Variants in PLA2G6 observed in about 807,000 individuals in gnomAD.
The protein encoded by PLA2G6 is phospholipase A2 group VI.
In PLA2G6, 62 loss-of-function variants were observed where a neutral mutation model predicts 83.8. The ratio of observed to expected loss-of-function variants is 0.74; its 90% CI spans 0.60 to 0.91. The LOEUF (loss-of-function observed/expected upper bound fraction) is 0.91, where lower values mean the gene tolerates loss of function less well. Ranked by LOEUF, PLA2G6 falls within the 40% of genes least tolerant of loss-of-function variation. PLA2G6 has a pLI of 0.00. For synonymous variants in PLA2G6, 417 were observed against 449.8 expected, an observed-to-expected ratio of 0.93 and a Z score of 0.92; for missense variants, 944 against 1,102.0, an observed-to-expected ratio of 0.86 and a Z score of 2.03.
intron 2 of PLA2G6, chr22:38,149,313 T>C (rs1358495793): frequency 6.6e-6 from 1 of 152,222 alleles, no homozygotes; most frequent in African/African-American, 2.4e-5. Context: ...CTGTAAATAT[T>C]TAAGTTATCC....
chr22:38,143,086 T>C lies in PLA2G6; in HGVS notation c.609+19A>G. The C allele has an allele frequency of 1.2e-6, 2 of 1,612,194 alleles. No individual in the cohort carries two copies. Among genetic ancestry groups the C allele is most frequent in the East Asian group, 2.2e-5 (1 of 44,866 alleles). On this transcript the variant is annotated intron_variant, in intron 4 of 16. Coordinates refer to ENST00000332509, the MANE Select transcript of PLA2G6 (RefSeq NM_003560.4). ...CGGGAGGTATCAGTACCAGTCACCC[T>C]GCCCCTCCCCCTGCTCACCTGCAGC...
intron 2 of PLA2G6, among the ~76,000 whole-genome samples, chr22:38,166,171 G>A (rs570875191): frequency 1.6e-4 from 24 of 152,326 alleles, no homozygotes; most frequent in African/African-American, 5.5e-4. Context: ...GCAGTTAGCT[G>A]TGGCCATGTG....
chr22:38,116,457 C>G, intron 12 of PLA2G6: 1 of 672,346 alleles, frequency 1.5e-6, no homozygotes, highest in East Asian at 3.0e-5. Context: ...AAAGGCTAAT[C>G]CAATGGAAAA....
intron 2 of PLA2G6, among the ~76,000 whole-genome samples, chr22:38,168,350 C>T (rs1212903558): frequency 1.3e-5 from 2 of 152,236 alleles, no homozygotes; most frequent in African/African-American, 4.8e-5. Flanking sequence ...CCAAGCACTG[C>T]TGGGGCCTGC....
At chr22:38,113,054 A>C (rs1240387483) in intron 15 of PLA2G6, among the ~76,000 whole-genome samples, 2 of 152,070 alleles carry the variant, frequency 1.3e-5, no homozygotes, top group East Asian at 3.9e-4. Flanking sequence ...CCACAGGCAC[A>C]CACCACCATG....
chr22:38,171,784 G>A (rs1038832413), intron 1 of PLA2G6, among the ~76,000 whole-genome samples: 1 of 149,196 alleles, frequency 6.7e-6, no homozygotes, highest in Non-Finnish European at 1.5e-5. Context: ...TAGCACCACC[G>A]CACTCCAGCC....
intron 2 of PLA2G6, among the ~76,000 whole-genome samples, chr22:38,167,729 T>C (rs1386837892): frequency 6.6e-6 from 1 of 152,246 alleles, no homozygotes; most frequent in East Asian, 1.9e-4. Context: ...CTCAGGTTCC[T>C]TGTGGAGCCA....
chr22:38,115,961 G>C lies in PLA2G6; in HGVS notation c.1879+114C>G, dbSNP rs2087167042. The C allele has an allele frequency of 6.1e-6, 9 of 1,479,512 alleles. No individual in the cohort carries two copies. The South Asian group carries it at 9.3e-5, about 15-fold the overall frequency. 91.6% of individuals were successfully genotyped at this position (1,479,512 alleles called of 1,614,324 possible). A position where few individuals can be genotyped will look rare whatever the true frequency, so the allele number is the denominator to read the frequency against. On this transcript the variant is annotated intron_variant, in intron 13 of 16. Transcript: ENST00000332509. ...TCAGCCAATAAAGACCAGTGCAGCG[G>C]GTGGGCTGGTGGCACGGTGAGGGTG...
At chr22:38,151,176 TCAAA>T (rs2089541028) in intron 2 of PLA2G6, among the ~76,000 whole-genome samples, 1 of 151,218 alleles carries the variant, frequency 6.6e-6, no homozygotes, top group Non-Finnish European at 1.5e-5. Context: ...ATTTCTCTAG[TCAAA>T]CAAAAAACCC....
chr22:38,128,503 C>T lies in PLA2G6; in HGVS notation c.1187-73G>A. ...GTCAACATGCAAAGGAGAGGCCCCTCCTTTCCACACTCCGTCCCCTGTCCC... is the reference window on the plus strand; with the variant it reads ...GTCAACATGCAAAGGAGAGGCCCCTTCTTTCCACACTCCGTCCCCTGTCCC... On this transcript the variant is annotated intron_variant, in intron 8 of 16. Transcript: ENST00000332509. The surrounding 1 kb of genome is among the most constrained non-coding windows in gnomAD (Gnocchi z 4.4). 6.6e-7 allele frequency: 1 copy of T among 1,509,550 alleles called. No individual in the cohort carries two copies. The highest frequency in any genetic ancestry group is 9.1e-7 in the Non-Finnish European group (1 of 1,095,316). The allele number at this position is 1,509,550 out of a possible 1,614,324, so 93.5% of individuals were successfully genotyped here.
At chr22:38,151,572 A>G (rs1398292480) in intron 2 of PLA2G6, among the ~76,000 whole-genome samples, 1 of 152,204 alleles carries the variant, frequency 6.6e-6, no homozygotes, top group African/African-American at 2.4e-5. Context: ...AATGAACACG[A>G]TCCTAGATGG....
intron 2 of PLA2G6, among the ~76,000 whole-genome samples, chr22:38,156,461 A>T (rs893265155): frequency 1.1e-4 from 16 of 150,282 alleles, no homozygotes; most frequent in South Asian, 2.1e-4. Context: ...TATTGTTATT[A>T]TTTTTTTTTT....
intron 12 of PLA2G6, among the ~76,000 whole-genome samples, chr22:38,119,901 C>CACCAAA (rs1027018043): frequency 1.3e-5 from 2 of 151,746 alleles, no homozygotes; most frequent in Admixed American, 6.6e-5. Context: ...GAACATGGGC[C>CACCAAA]ACCAAAACCA....
intron 12 of PLA2G6, among the ~76,000 whole-genome samples, chr22:38,119,334 G>A (rs1177823440): frequency 6.6e-6 from 1 of 152,174 alleles, no homozygotes; most frequent in Non-Finnish European, 1.5e-5. Context: ...CGGAGGGAAG[G>A]ACAGACTTCA....
chr22:38,122,471 G>A (rs1367239775), intron 11 of PLA2G6, among the ~76,000 whole-genome samples: 1 of 152,204 alleles, frequency 6.6e-6, no homozygotes, highest in Non-Finnish European at 1.5e-5. Context: ...TGTCCAGCAA[G>A]CCAGGCGCCT....
chr22:38,132,678 G>T lies in PLA2G6; in HGVS notation c.1077+153C>A. ...GGGACTTGGAAGGCTTCCTGAGGGA[G>T]GAGTCAGGGTCTGAACTGAGCTTTG... On this transcript the variant is annotated intron_variant, in intron 7 of 16. Coordinates refer to ENST00000332509, the MANE Select transcript of PLA2G6 (RefSeq NM_003560.4). The surrounding 1 kb of genome is among the most constrained non-coding windows in gnomAD (Gnocchi z 5.0). The T allele has an allele frequency of 1.5e-6, 1 of 687,176 alleles. No individual in the cohort carries two copies. The highest frequency in any genetic ancestry group is 2.7e-5 in the East Asian group (1 of 36,464). 42.6% of individuals were successfully genotyped at this position (687,176 alleles called of 1,614,324 possible). A position where few individuals can be genotyped will look rare whatever the true frequency, so the allele number is the denominator to read the frequency against.
Position 38,123,174 on chromosome 22 carries a change from C to A in PLA2G6, c.1512G>T (p.Ser504=), listed in dbSNP as rs201161254. 1.3e-6 allele frequency: 2 copies of A among 1,551,480 alleles called. No homozygotes were observed. Among genetic ancestry groups the A allele is most frequent in the African/African-American group, 2.7e-5 (2 of 73,072 alleles). The change falls in exon 11 of 17, where the codon TCG becomes TCT. Residue 504 remains serine (S), a synonymous_variant. Transcript: ENST00000332509. This position sits in a 1 kb window ranked among gnomAD's most constrained non-coding sequence, Gnocchi z 4.1. ...IQLLIAIEKA[S]GVATKDLFDW... ...CAAACAGGTCCTTGGTGGCCACACC[C>A]GAGGCCTTCTCGATGGCGATGAGGA...
chr22:38,179,859 T>C (rs1386163738), intron 1 of PLA2G6, among the ~76,000 whole-genome samples: 1 of 152,058 alleles, frequency 6.6e-6, no homozygotes, highest in Admixed American at 6.6e-5. Context: ...TTTGAGTATG[T>C]CATTCCAGGG....
chr22:38,112,458 C>T (rs373689745), intron 16 of PLA2G6, 46 bp downstream of exon 16: 6 of 1,527,316 alleles, frequency 3.9e-6, no homozygotes, highest in East Asian at 2.4e-5. Flanking sequence ...GTGAGTCCGA[C>T]CACGCCAGGG....
Sources: allele counts gnomAD v4.1 joint callset (sites outside exome capture counted in the v4.1 genomes callset), GRCh38; gene constraint gnomAD v4.1.1; non-coding constraint Gnocchi (gnomAD v3.1); transcripts MANE v1.5; gene names NCBI Gene and HGNC (gene_info 2026-07-23, HGNC 2026-07-21).